The following ST6GALNAC3 variants were observed in gnomAD, a reference collection of about 807,000 sequenced individuals.
ST6GALNAC3 encodes alpha-N-acetylgalactosaminide alpha-2,6-sialyltransferase 3.
In ST6GALNAC3, 25 loss-of-function variants were observed where a neutral mutation model predicts 32.7. That is an observed-to-expected ratio of 0.76 (90% CI 0.56 to 1.07). ST6GALNAC3 has a LOEUF of 1.07. Ranked by LOEUF, ST6GALNAC3 falls within the 50% of genes least tolerant of loss-of-function variation. The pLI is 0.00. For synonymous variants in ST6GALNAC3, 129 were observed against 133.1 expected (o/e 0.97, Z 0.21); for missense variants, 355 against 382.4 (o/e 0.93, Z 0.60).
At chr1:76,447,775 G>T (rs1657088994) in intron 3 of ST6GALNAC3, among the ~76,000 whole-genome samples, 1 of 152,296 alleles carries the variant, frequency 6.6e-6, no homozygotes, top group Non-Finnish European at 1.5e-5. Context: ...GAGCCTGCGG[G>T]TGCACGGAAC....
chr1:76,263,076 T>C (rs917762288), intron 1 of ST6GALNAC3, among the ~76,000 whole-genome samples: 1 of 152,154 alleles, frequency 6.6e-6, no homozygotes, highest in Non-Finnish European at 1.5e-5. Flanking sequence ...CTTATGACTA[T>C]AGAGAATGAA....
chr1:76,400,789 G>A (rs1653351647), intron 2 of ST6GALNAC3, among the ~76,000 whole-genome samples: 1 of 151,966 alleles, frequency 6.6e-6, no homozygotes, highest in South Asian at 2.1e-4. Flanking sequence ...CAGCTACTCG[G>A]GAGGCTGAGG....
intron 2 of ST6GALNAC3, among the ~76,000 whole-genome samples, chr1:76,330,036 T>C (rs1266668338): frequency 1.3e-5 from 2 of 152,088 alleles, no homozygotes; most frequent in Non-Finnish European, 2.9e-5. Context: ...CTCAAACTCC[T>C]GACCTCAGTT....
intron 3 of ST6GALNAC3, among the ~76,000 whole-genome samples, chr1:76,625,455 T>G (rs1648908782): frequency 6.6e-6 from 1 of 150,884 alleles, no homozygotes; most frequent in South Asian, 2.1e-4. Context: ...GAGTGAAAGG[T>G]AGAAAAAAAT....
At chr1:76,212,073 A>G (rs1655199135) in intron 1 of ST6GALNAC3, among the ~76,000 whole-genome samples, 1 of 152,196 alleles carries the variant, frequency 6.6e-6, no homozygotes, top group Non-Finnish European at 1.5e-5. Context: ...TTATTTAAGC[A>G]TATCCAGTAG....
At chr1:76,087,376 G>A (rs1023881510) in intron 1 of ST6GALNAC3, among the ~76,000 whole-genome samples, 1 of 152,146 alleles carries the variant, frequency 6.6e-6, no homozygotes, top group East Asian at 1.9e-4. Context: ...CTTATCTTCA[G>A]CAAATAGAGA....
At chr1:76,628,157 C>T (rs981903670) in intron 4 of ST6GALNAC3, among the ~76,000 whole-genome samples, 5 of 151,906 alleles carry the variant, frequency 3.3e-5, no homozygotes, top group Non-Finnish European at 7.4e-5. Context: ...TCCCTACCAA[C>T]AATTGGCACA....
intron 2 of ST6GALNAC3, among the ~76,000 whole-genome samples, chr1:76,384,162 C>T (rs930614144): frequency 6.6e-6 from 1 of 152,014 alleles, no homozygotes; most frequent in Admixed American, 6.6e-5. Context: ...TCTTAAATAT[C>T]AGGCACAGAA....
rs563899489 is a variant in ST6GALNAC3, at chr1:76,172,507, G to A, written c.18+97623G>A. On this transcript the variant is annotated intron_variant, in intron 1 of 4. Coordinates refer to ENST00000328299, the MANE Select transcript of ST6GALNAC3 (RefSeq NM_152996.4). ...GGCCAGAGCAATCAGGCAAGAGAAA[G>A]AAATAAAGGTATTCAAATAGGAAGA... is the stretch of plus-strand genomic sequence containing the variant. 2.0e-5 allele frequency among the ~76,000 whole-genome samples: 3 copies of A among 152,228 alleles called. No individual in the cohort carries two copies. The East Asian group carries it at 5.8e-4, about 29-fold the overall frequency.
At position 76,138,140 on chromosome 1, in the gene ST6GALNAC3, G is replaced by A. The variant is rs573867080; in HGVS notation, c.18+63256G>A. ...AAAGACCTAACAGTCTAGTGAAGAA[G>A]ACTGCATTCTGAAGTCTCTGAATGT... On this transcript the variant is annotated intron_variant, in intron 1 of 4. Transcript: ENST00000328299. Among the ~76,000 whole-genome samples, 5 of 152,304 alleles carry A rather than the reference G, an allele frequency of 3.3e-5. No individual in the cohort carries two copies. In the East Asian group the frequency reaches 9.6e-4, roughly 29 times the overall value.
chr1:76,234,096 C>T (rs1262505753), intron 1 of ST6GALNAC3, among the ~76,000 whole-genome samples: 1 of 152,160 alleles, frequency 6.6e-6, no homozygotes, highest in Non-Finnish European at 1.5e-5. Flanking sequence ...AGAGCTCTGA[C>T]TTATACCCAG....
chr1:76,479,760 C>A (rs913062994), intron 3 of ST6GALNAC3, among the ~76,000 whole-genome samples: 2 of 152,066 alleles, frequency 1.3e-5, no homozygotes, highest in Admixed American at 6.6e-5. Context: ...AACAGATGAA[C>A]TTTGGGGGAC....
At chr1:76,353,051 A>G (rs981375064) in intron 2 of ST6GALNAC3, among the ~76,000 whole-genome samples, 1 of 152,040 alleles carries the variant, frequency 6.6e-6, no homozygotes, top group African/African-American at 2.4e-5. Flanking sequence ...TCCATTCTCC[A>G]AAGAGATCTC....
intron 2 of ST6GALNAC3, among the ~76,000 whole-genome samples, chr1:76,350,071 A>G (rs1460514046): frequency 6.6e-6 from 1 of 152,250 alleles, no homozygotes; most frequent in Non-Finnish European, 1.5e-5. Flanking sequence ...TTGACTGTGT[A>G]TTAGAAATTA....
chr1:76,174,431 G>GT lies in ST6GALNAC3; in HGVS notation c.18+99559dup, dbSNP rs111990617. 8.6e-3 allele frequency among the ~76,000 whole-genome samples: 1,217 copies of GT among 141,310 alleles called. 8 individuals are homozygous for GT. Among genetic ancestry groups the GT allele is most frequent in the Middle Eastern group, 0.026 (7 of 272 alleles). The allele number at this position is 141,310 out of a possible 152,430, so 92.7% of individuals were successfully genotyped here. On this transcript the variant is annotated intron_variant, in intron 1 of 4. Transcript: ENST00000328299. The stretch of plus-strand genomic sequence containing the variant: ...GCACATTCTGCACATGTATCTCATT[G>GT]TTTTTTTTTTTTAGAAGAAATAAAA...
chr1:76,467,968 G>A (rs1198299973), intron 3 of ST6GALNAC3, among the ~76,000 whole-genome samples: 1 of 151,872 alleles, frequency 6.6e-6, no homozygotes, highest in African/African-American at 2.4e-5. Context: ...GCATTTAAGT[G>A]CCAAATATTG....
chr1:76,545,864 G>C (rs1664267877), intron 3 of ST6GALNAC3, among the ~76,000 whole-genome samples: 1 of 152,044 alleles, frequency 6.6e-6, no homozygotes, highest in East Asian at 1.9e-4. Flanking sequence ...TCTCCATGTT[G>C]GTCAGGCTGG....
intron 1 of ST6GALNAC3, among the ~76,000 whole-genome samples, chr1:76,149,826 T>A (rs1055182443): frequency 2.0e-5 from 3 of 152,232 alleles, no homozygotes; most frequent in African/African-American, 7.2e-5. Context: ...ACTGATTTCA[T>A]TCCTTTGGAT....
chr1:76,174,663 C>CTTTTTTTTTTTTTTTTTTT (rs59269306), intron 1 of ST6GALNAC3, among the ~76,000 whole-genome samples: 9 of 140,100 alleles, frequency 6.4e-5, no homozygotes, highest in Non-Finnish European at 1.2e-4. Context: ...TTTTTCTTTT[C>CTTTTTTTTTTTTTTTTTTT]TTTTTTTTTT....
Sources: gnomAD v4.1 joint callset for allele counts (sites outside exome capture counted in the v4.1 genomes callset) on GRCh38, gnomAD v4.1.1 for gene constraint, MANE v1.5 for transcripts, NCBI Gene and HGNC (gene_info 2026-07-23, HGNC 2026-07-21) for gene names.